The following KBTBD12 variants were observed in gnomAD, a reference collection of about 807,000 sequenced individuals.
The protein encoded by KBTBD12 is kelch repeat and BTB domain containing 12, also known as kelch repeat and BTB domain-containing protein 12.
A neutral mutation model predicts 58.7 loss-of-function variants in KBTBD12; 53 were observed. That is an observed-to-expected ratio of 0.90 (90% CI 0.72 to 1.14). The LOEUF is 1.14. KBTBD12 is among the 50% of genes most tolerant of loss of function. The pLI is 0.00. For missense variants in KBTBD12, 704 were observed against 751.3 expected, an observed-to-expected ratio of 0.94 and a Z score of 0.74; for synonymous variants, 236 against 259.8, an observed-to-expected ratio of 0.91 and a Z score of 0.88.
intron 4 of KBTBD12, among the ~76,000 whole-genome samples, chr3:127,955,706 C>T (rs190734829): frequency 3.3e-5 from 5 of 152,194 alleles, no homozygotes; most frequent in Non-Finnish European, 7.4e-5. Flanking sequence ...CACAGATGTT[C>T]TGAGGAAAGT....
intron 5 of KBTBD12, among the ~76,000 whole-genome samples, chr3:127,973,417 A>G (rs1027651357): frequency 7.9e-5 from 12 of 152,194 alleles, no homozygotes; most frequent in Non-Finnish European, 1.8e-4. Context: ...GGTTGGTTGG[A>G]TGATGGTTTG....
At chr3:127,948,672 G>A (rs549966743) in intron 4 of KBTBD12, among the ~76,000 whole-genome samples, 1 of 152,270 alleles carries the variant, frequency 6.6e-6, no homozygotes, top group African/African-American at 2.4e-5. Context: ...AGAATCCCTG[G>A]TGTACCGGGA....
intron 4 of KBTBD12, among the ~76,000 whole-genome samples, chr3:127,947,800 G>C (rs1041309674): frequency 6.6e-6 from 1 of 152,188 alleles, no homozygotes; most frequent in Non-Finnish European, 1.5e-5. Context: ...TCCTCTGTCT[G>C]TGCCAAATCC....
At position 127,984,319 on chromosome 3, in the gene KBTBD12, G is replaced by C. The variant is rs1253400935; in HGVS notation, c.*41G>C. The C allele has an allele frequency of 1.3e-6, 2 of 1,579,124 alleles. No homozygotes were observed. The highest frequency in any genetic ancestry group is 1.7e-6 in the Non-Finnish European group (2 of 1,154,816). On this transcript the variant is annotated 3_prime_UTR_variant, in exon 6 of 6. Coordinates refer to ENST00000405109, the MANE Select transcript of KBTBD12 (RefSeq NM_207335.4). ...GGACCTCCTGCTGTTCTGCAAACAA[G>C]GCCTTCAGAACGGAGAGGGCCCACA...
Position 127,963,201 on chromosome 3 carries a change from G to A in KBTBD12, c.1505G>A (p.Cys502Tyr). ...TAATTCTCTGCAGGTGGCATTGGCTGTGTAGGTCAAGACAAGGGCCAGGTT... is the reference window on the plus strand; with the variant it reads ...TAATTCTCTGCAGGTGGCATTGGCTATGTAGGTCAAGACAAGGGCCAGGTT... ...SEIYVLGGIGCVGQDKGQVRK... is the reference protein window; with the variant it reads ...SEIYVLGGIGYVGQDKGQVRK... Residue 502 changes from cysteine to tyrosine, a missense_variant, in exon 5 of 6, where the codon TGT (cysteine) becomes TAT (tyrosine). Cys to Tyr is a radical substitution (Grantham distance 194). Coordinates refer to ENST00000405109, the MANE Select transcript of KBTBD12 (RefSeq NM_207335.4). 6.2e-7 allele frequency: 1 copy of A among 1,606,386 alleles called. No individual in the cohort carries two copies. Among genetic ancestry groups the A allele is most frequent in the Non-Finnish European group, 8.5e-7 (1 of 1,176,306 alleles).
At chr3:127,981,928 TTGAC>T (rs1652527451) in intron 5 of KBTBD12, among the ~76,000 whole-genome samples, 1 of 152,210 alleles carries the variant, frequency 6.6e-6, no homozygotes, top group Non-Finnish European at 1.5e-5. Context: ...TTTTCAAAAA[TTGAC>T]TTCCACATGC....
In KBTBD12 at chr3:127,923,845, C is replaced by A; in HGVS notation, c.784C>A (p.Gln262Lys). Residue 262 changes from glutamine to lysine, a missense_variant, in exon 2 of 6, where the codon CAG becomes AAG. Coordinates refer to ENST00000405109, the MANE Select transcript of KBTBD12 (RefSeq NM_207335.4). ...ATTCAAAGCCATCAAGACACCCCAA[C>A]AGCACTCTCTAAATCTGCGCTATGG... is the stretch of plus-strand genomic sequence containing the variant. ...NAFKAIKTPQ[Q>K]HSLNLRYGME... is the part of the protein sequence containing the mutation. 1 of 1,613,950 alleles carries A rather than the reference C, an allele frequency of 6.2e-7. No homozygotes were observed.
chr3:127,943,991 G>A (rs1159830589), intron 4 of KBTBD12, among the ~76,000 whole-genome samples: 1 of 152,092 alleles, frequency 6.6e-6, no homozygotes, highest in African/African-American at 2.4e-5. Flanking sequence ...TTAGTTGACT[G>A]TATATCCTTG....
chr3:127,966,615 A>G (rs1296309254), intron 5 of KBTBD12, among the ~76,000 whole-genome samples: 1 of 152,238 alleles, frequency 6.6e-6, no homozygotes, highest in Non-Finnish European at 1.5e-5. Flanking sequence ...TTAGAGAAAG[A>G]GAAGTTGAGG....
intron 5 of KBTBD12, among the ~76,000 whole-genome samples, chr3:127,964,258 A>C (rs1030577661): frequency 3.3e-5 from 5 of 152,188 alleles, no homozygotes; most frequent in African/African-American, 1.2e-4. Context: ...GAAGAATGCC[A>C]GGTTAAAGTA....
chr3:127,971,598 T>C (rs906927199), intron 5 of KBTBD12, among the ~76,000 whole-genome samples: 1 of 152,204 alleles, frequency 6.6e-6, no homozygotes, highest in Non-Finnish European at 1.5e-5. Flanking sequence ...TACACACTTG[T>C]TTGCCACTTG....
rs776422472 is a variant in KBTBD12, at chr3:127,984,267, A to C, written c.1861A>C (p.Asn621His). The part of the protein sequence containing the change: ...PPPSDLVEEG[N>H]EH Reference sequence around the variant, plus strand: ...GCCTTCAGATTTGGTGGAAGAAGGCAATGAGCACTAAGGTGACCTTGCTGG... The same window carrying C: ...GCCTTCAGATTTGGTGGAAGAAGGCCATGAGCACTAAGGTGACCTTGCTGG... Residue 621 changes from asparagine (N) to histidine (H), a missense_variant, in exon 6 of 6, where the codon AAT (asparagine) becomes CAT (histidine). Coordinates refer to ENST00000405109, the MANE Select transcript of KBTBD12 (RefSeq NM_207335.4). 1 of 1,613,674 alleles carries C rather than the reference A, an allele frequency of 6.2e-7. No homozygotes were observed. Among genetic ancestry groups the C allele is most frequent in the Non-Finnish European group, 8.5e-7 (1 of 1,179,762 alleles).
chr3:127,937,085 C>T (rs1360243206), intron 4 of KBTBD12, among the ~76,000 whole-genome samples: 1 of 152,042 alleles, frequency 6.6e-6, no homozygotes, highest in Non-Finnish European at 1.5e-5. Flanking sequence ...AAAAATCCCC[C>T]ACAAATAATT....
At chr3:127,981,684 G>A (rs961524819) in intron 5 of KBTBD12, among the ~76,000 whole-genome samples, 21 of 152,144 alleles carry the variant, frequency 1.4e-4, no homozygotes, top group African/African-American at 2.2e-4. Context: ...GCTCACACTT[G>A]TAATCCCAGC....
At chr3:127,921,862 TTCTCAAAACTCTTCAGCTG>T (rs1183482022) in intron 1 of KBTBD12, among the ~76,000 whole-genome samples, 3 of 152,150 alleles carry the variant, frequency 2.0e-5, no homozygotes, top group African/African-American at 7.2e-5. Flanking sequence ...ACCATTTCAC[TTCTCAAAACTCTTCAGCTG>T]GGTTTAAGCA....
At chr3:127,954,843 C>A (rs1940287575) in intron 4 of KBTBD12, among the ~76,000 whole-genome samples, 1 of 152,184 alleles carries the variant, frequency 6.6e-6, no homozygotes, top group Non-Finnish European at 1.5e-5. Context: ...TTACCCTGTT[C>A]CCTTTGCGTG....
chr3:127,917,768 A>G (rs1477833448), intron 1 of KBTBD12, among the ~76,000 whole-genome samples: 6 of 152,250 alleles, frequency 3.9e-5, no homozygotes, highest in Admixed American at 3.9e-4. Context: ...TATATGTAGA[A>G]AAAATCTTGA....
At chr3:127,917,212 C>A (rs1056372624) in intron 1 of KBTBD12, among the ~76,000 whole-genome samples, 1 of 152,220 alleles carries the variant, frequency 6.6e-6, no homozygotes, top group African/African-American at 2.4e-5. Context: ...ACACTAGTCC[C>A]AGCATCCAGA....
intron 1 of KBTBD12, among the ~76,000 whole-genome samples, chr3:127,916,190 A>G (rs1416303365): frequency 6.6e-6 from 1 of 151,886 alleles, no homozygotes; most frequent in Non-Finnish European, 1.5e-5. Context: ...AACTGGTCTT[A>G]TTTGTCTTTA....
Sources: allele counts gnomAD v4.1 joint callset (sites outside exome capture counted in the v4.1 genomes callset), GRCh38; gene constraint gnomAD v4.1.1; transcripts MANE v1.5; gene names NCBI Gene and HGNC (gene_info 2026-07-23, HGNC 2026-07-21).